Variants in ATRNL1 observed in about 807,000 individuals in gnomAD.
The protein encoded by ATRNL1 is attractin-like protein 1.
Under a neutral mutation model 182.7 loss-of-function variants are expected in ATRNL1, and 95 were observed. That is an observed-to-expected ratio of 0.52 (90% CI 0.44 to 0.62). The LOEUF (loss-of-function observed/expected upper bound fraction) is 0.62. Among genes scored for constraint, ATRNL1 ranks in the 20% least tolerant of loss-of-function variants. The probability of loss-of-function intolerance (pLI) is 0.00; values close to 1 mark genes in which losing one functional copy is unlikely to be tolerated. For synonymous variants in ATRNL1, 576 were observed against 568.3 expected, an observed-to-expected ratio of 1.01 and a Z score of -0.19; for missense variants, 1,471 against 1,679.5, an observed-to-expected ratio of 0.88 and a Z score of 2.17.
At chr10:115,326,787 A>G (rs1237509773) in intron 18 of ATRNL1, among the ~76,000 whole-genome samples, 2 of 152,186 alleles carry the variant, frequency 1.3e-5, no homozygotes, top group Non-Finnish European at 2.9e-5. Flanking sequence ...CTGCACATCT[A>G]CAACTATCTG....
chr10:115,324,878 G>A (rs537397158), intron 18 of ATRNL1, among the ~76,000 whole-genome samples: 10 of 151,978 alleles, frequency 6.6e-5, no homozygotes, highest in Non-Finnish European at 1.2e-4. Context: ...AAATTTGGTC[G>A]CTAGCTCAAA....
chr10:115,730,130 G>A lies in ATRNL1; in HGVS notation c.3903+2775G>A, dbSNP rs138687900. Among the ~76,000 whole-genome samples the A allele has an allele frequency of 6.9e-3, 1,051 of 151,558 alleles. 14 individuals carry two copies. The highest frequency in any genetic ancestry group is 0.024 in the African/African-American group (992 of 41,300). On this transcript the variant is annotated intron_variant, in intron 27 of 28. Transcript: ENST00000355044. Reference sequence around the variant, plus strand: ...AAATTAGCTGGGCATGGTGGTGCACGCCTGTAATCCCAGTTACTCTGGAAT... The same window carrying A: ...AAATTAGCTGGGCATGGTGGTGCACACCTGTAATCCCAGTTACTCTGGAAT...
rs1554896112 is a variant in ATRNL1, at chr10:115,215,843, G to C, written c.1495G>C (p.Asp499His). The C allele has an allele frequency of 6.3e-7, 1 of 1,585,154 alleles. No individual in the cohort carries two copies. The highest frequency in any genetic ancestry group is 8.5e-7 in the Non-Finnish European group (1 of 1,170,266). Residue 499 changes from aspartate to histidine, a missense_variant, in exon 9 of 29, where the codon GAT becomes CAT. By Grantham distance (81) the Asp-to-His change is moderately conservative. Around this residue, in one of 3 missense-constraint regions of ATRNL1, gnomAD observed 1,031 missense variants for 1,156.0 expected, o/e 0.89. Transcript: ENST00000355044. ...ALPGNKYGLV[D>H]DLYKYEVNTK... ...GCCAGGGAACAAATATGGATTGGTT[G>C]ATGATCTTTATAAATATGAAGTTAA...
intron 26 of ATRNL1, among the ~76,000 whole-genome samples, chr10:115,724,741 G>A (rs1163379576): frequency 6.6e-6 from 1 of 152,072 alleles, no homozygotes; most frequent in Admixed American, 6.6e-5. Context: ...ATTTGGTTAA[G>A]CTCAAACAGC....
At chr10:115,601,771 T>C (rs1856605996) in intron 26 of ATRNL1, among the ~76,000 whole-genome samples, 1 of 152,184 alleles carries the variant, frequency 6.6e-6, no homozygotes, top group Non-Finnish European at 1.5e-5. Context: ...TAGTTTCTTA[T>C]AGACAGCATA....
intron 25 of ATRNL1, among the ~76,000 whole-genome samples, chr10:115,524,077 A>G (rs1041465649): frequency 3.5e-4 from 53 of 150,410 alleles, no homozygotes; most frequent in African/African-American, 1.2e-3. Flanking sequence ...TCGAGATCAC[A>G]TGGTGAGAAA....
chr10:115,692,511 G>C (rs1946425527), intron 26 of ATRNL1, among the ~76,000 whole-genome samples: 1 of 152,040 alleles, frequency 6.6e-6, no homozygotes, highest in South Asian at 2.1e-4. Context: ...GCCCTTAAAA[G>C]TTTAACTTGA....
chr10:115,551,781 C>G (rs1374837344), intron 26 of ATRNL1, among the ~76,000 whole-genome samples: 1 of 151,388 alleles, frequency 6.6e-6, no homozygotes, highest in African/African-American at 2.4e-5. Flanking sequence ...TAAAGATCTG[C>G]AATTAGCAAG....
At chr10:115,670,410 C>A (rs1945658617) in intron 26 of ATRNL1, among the ~76,000 whole-genome samples, 1 of 152,016 alleles carries the variant, frequency 6.6e-6, no homozygotes. Context: ...GCAATGGATC[C>A]TTTTGCCATT....
chr10:115,896,564 G>A (rs1212417079), intron 28 of ATRNL1, among the ~76,000 whole-genome samples: 1 of 152,172 alleles, frequency 6.6e-6, no homozygotes, highest in Non-Finnish European at 1.5e-5. Context: ...GTCTAATGGA[G>A]TGTGAATAAT....
chr10:115,127,919 A>C (rs1461436918), intron 4 of ATRNL1, among the ~76,000 whole-genome samples, 198 bp downstream of exon 4: 2 of 152,162 alleles, frequency 1.3e-5, no homozygotes, highest in East Asian at 3.8e-4. Context: ...TAAACCTATA[A>C]GTTTGGTTGA....
intron 8 of ATRNL1, among the ~76,000 whole-genome samples, chr10:115,210,030 C>G (rs528651315): frequency 6.6e-6 from 1 of 152,068 alleles, no homozygotes; most frequent in East Asian, 1.9e-4. Flanking sequence ...TTCGCTCTTA[C>G]AATTCCAAAG....
At chr10:115,870,460 A>G (rs1555105831) in intron 28 of ATRNL1, among the ~76,000 whole-genome samples, 1 of 152,220 alleles carries the variant, frequency 6.6e-6, no homozygotes, top group South Asian at 2.1e-4. Context: ...CTTTTGGAAT[A>G]TGCAGTTTAT....
chr10:115,650,848 C>A lies in ATRNL1; in HGVS notation c.3796-76400C>A, dbSNP rs985098120. Among the ~76,000 whole-genome samples the A allele has an allele frequency of 2.6e-5, 4 of 151,946 alleles. No individual in the cohort carries two copies. In the South Asian group the frequency reaches 8.3e-4, roughly 32 times the overall value. ...TTTCCTTATTGACTTGTCCCAAAGC[C>A]ATTTCTGTGTTTTGGTTCGTTGATT... On this transcript the variant is annotated intron_variant, in intron 26 of 28. Coordinates refer to ENST00000355044, the MANE Select transcript of ATRNL1 (RefSeq NM_207303.4).
intron 27 of ATRNL1, among the ~76,000 whole-genome samples, chr10:115,822,043 C>G (rs186069800): frequency 3.5e-4 from 54 of 152,254 alleles, no homozygotes; most frequent in Non-Finnish European, 5.4e-4. Context: ...AAACACTCCT[C>G]AGCAAATGCA....
intron 9 of ATRNL1, among the ~76,000 whole-genome samples, chr10:115,234,237 G>T (rs1554900745): frequency 6.6e-6 from 1 of 151,984 alleles, no homozygotes; most frequent in Non-Finnish European, 1.5e-5. Context: ...CCATGAAACT[G>T]ATATCTTCAG....
intron 26 of ATRNL1, among the ~76,000 whole-genome samples, chr10:115,712,389 G>A (rs1422694959): frequency 6.6e-6 from 1 of 152,132 alleles, no homozygotes; most frequent in Non-Finnish European, 1.5e-5. Flanking sequence ...GGTATCTAAG[G>A]AAAGAAGGGT....
chr10:115,710,093 T>G (rs1947018858), intron 26 of ATRNL1, among the ~76,000 whole-genome samples: 1 of 151,410 alleles, frequency 6.6e-6, no homozygotes, highest in Non-Finnish European at 1.5e-5. Flanking sequence ...GAGTGTAATA[T>G]ATAGCATTTT....
chr10:115,859,891 T>C (rs1951272551), intron 28 of ATRNL1, among the ~76,000 whole-genome samples: 1 of 152,214 alleles, frequency 6.6e-6, no homozygotes, highest in African/African-American at 2.4e-5. Context: ...ACCACAGTGA[T>C]CTTTCTCTAA....
Sources: gnomAD v4.1 joint callset for allele counts (sites outside exome capture counted in the v4.1 genomes callset) on GRCh38, gnomAD v4.1.1 for gene constraint, gnomAD v4.1.1 regional missense constraint, MANE v1.5 for transcripts, NCBI Gene and HGNC (gene_info 2026-07-23, HGNC 2026-07-21) for gene names.